Variants in FHIT observed in about 807,000 individuals in gnomAD.
FHIT encodes fragile histidine triad diadenosine triphosphatase.
In FHIT, 19 loss-of-function variants were observed where a neutral mutation model predicts 17.9. That is an observed-to-expected ratio of 1.06 (90% CI 0.74 to 1.56). FHIT has a LOEUF of 1.56. Ranked by LOEUF, FHIT falls within the 40% of genes most tolerant of loss-of-function variation. The pLI is 0.00. For missense variants in FHIT, 248 were observed against 189.2 expected (o/e 1.31, Z -1.82); for synonymous variants, 81 against 69.7 (o/e 1.16, Z -0.81).
rs531999339 is a variant in FHIT at position 60,304,879 on chromosome 3, A to T, written c.103+231981T>A. 2.0e-5 allele frequency among the ~76,000 whole-genome samples: 3 copies of T among 152,156 alleles called. No homozygotes were observed. In the South Asian group the frequency reaches 6.2e-4, roughly 32 times the overall value. ...ACAAAGTTAAAGACAAGTTTTTATT[A>T]AAATCTCTGAATCTAATCTACTATA... On this transcript the variant is annotated intron_variant, in intron 5 of 9. Coordinates refer to ENST00000492590, the MANE Select transcript of FHIT (RefSeq NM_002012.4).
intron 2 of FHIT, among the ~76,000 whole-genome samples, chr3:61,093,595 C>T (rs1044719674): frequency 5.9e-5 from 9 of 152,050 alleles, no homozygotes; most frequent in African/African-American, 9.7e-5. Flanking sequence ...CATTCAAAGC[C>T]GGGATAGGAA....
intron 2 of FHIT, among the ~76,000 whole-genome samples, chr3:61,073,075 A>C (rs1454588728): frequency 1.3e-5 from 2 of 152,196 alleles, no homozygotes; most frequent in African/African-American, 4.8e-5. Flanking sequence ...CTTGCTAAAA[A>C]TTCGAGGCCT....
intron 5 of FHIT, among the ~76,000 whole-genome samples, chr3:60,459,680 C>T (rs1023166304): frequency 1.3e-5 from 2 of 152,200 alleles, no homozygotes; most frequent in East Asian, 3.8e-4. Flanking sequence ...TCCTTCAATG[C>T]TTTTCACTTA....
intron 2 of FHIT, among the ~76,000 whole-genome samples, chr3:61,142,130 T>A (rs2037102518): frequency 6.6e-6 from 1 of 151,358 alleles, no homozygotes; most frequent in Non-Finnish European, 1.5e-5. Flanking sequence ...AAATTTTTTT[T>A]TTATCTGAGA....
At chr3:60,859,389 G>C (rs1175006400) in intron 3 of FHIT, among the ~76,000 whole-genome samples, 1 of 152,140 alleles carries the variant, frequency 6.6e-6, no homozygotes, top group Non-Finnish European at 1.5e-5. Flanking sequence ...TTTTCTAGCA[G>C]AGATTATTAG....
chr3:60,659,225 G>T (rs1399318202), intron 4 of FHIT, among the ~76,000 whole-genome samples: 7 of 151,940 alleles, frequency 4.6e-5, no homozygotes, highest in Non-Finnish European at 1.0e-4. Context: ...TCAACAGTTT[G>T]AGTATACTGT....
chr3:60,080,297 G>C (rs925282731), intron 5 of FHIT, among the ~76,000 whole-genome samples: 1 of 152,068 alleles, frequency 6.6e-6, no homozygotes, highest in Non-Finnish European at 1.5e-5. Context: ...TTGTGTATGG[G>C]GGTGGGAGAA....
intron 3 of FHIT, among the ~76,000 whole-genome samples, chr3:60,852,671 T>A (rs1321806997): frequency 1.3e-5 from 2 of 151,934 alleles, no homozygotes; most frequent in African/African-American, 2.4e-5. Flanking sequence ...AGAAAGGATA[T>A]AGTGAGAATA....
At chr3:60,398,324 A>T (rs1396720260) in intron 5 of FHIT, among the ~76,000 whole-genome samples, 1 of 152,194 alleles carries the variant, frequency 6.6e-6, no homozygotes, top group Non-Finnish European at 1.5e-5. Flanking sequence ...TCTTTGAGGT[A>T]TAATGCTAGA....
chr3:61,141,858 C>T (rs1279295384), intron 2 of FHIT, among the ~76,000 whole-genome samples: 5 of 151,592 alleles, frequency 3.3e-5, no homozygotes, highest in African/African-American at 1.2e-4. Context: ...TACTTGGTTA[C>T]TCAGGGCTTC....
At chr3:59,998,296 G>A (rs768897953) in intron 7 of FHIT, among the ~76,000 whole-genome samples, 3 of 152,036 alleles carry the variant, frequency 2.0e-5, no homozygotes, top group Non-Finnish European at 4.4e-5. Flanking sequence ...AGCCTGCTGC[G>A]GGTTAGAAAT....
intron 5 of FHIT, among the ~76,000 whole-genome samples, chr3:60,177,527 A>C (rs976218748): frequency 2.0e-5 from 3 of 152,216 alleles, no homozygotes; most frequent in African/African-American, 7.2e-5. Context: ...AGTAGGTCAA[A>C]ACAGAAGAGG....
intron 5 of FHIT, among the ~76,000 whole-genome samples, chr3:60,124,296 C>A (rs1455346488): frequency 6.6e-6 from 1 of 151,820 alleles, no homozygotes; most frequent in Admixed American, 6.6e-5. Context: ...CTTCAACAGT[C>A]CCTGTAGCAA....
chr3:61,179,072 G>A (rs548341517), intron 2 of FHIT, among the ~76,000 whole-genome samples: 34 of 141,478 alleles, frequency 2.4e-4, no homozygotes, highest in Admixed American at 5.2e-4. Context: ...ATGCAGCAGT[G>A]CGATCTTGGC....
At chr3:60,917,914 T>C (rs1174606094) in intron 3 of FHIT, among the ~76,000 whole-genome samples, 1 of 152,120 alleles carries the variant, frequency 6.6e-6, no homozygotes, top group African/African-American at 2.4e-5. Context: ...CAGAAAAACA[T>C]ACTATGACTG....
At chr3:60,261,375 C>G (rs755852314) in intron 5 of FHIT, among the ~76,000 whole-genome samples, 2 of 151,886 alleles carry the variant, frequency 1.3e-5, no homozygotes, top group African/African-American at 4.8e-5. Flanking sequence ...TCGCAAGGAA[C>G]GTATTAATTT....
chr3:61,060,480 T>C (rs947896183), intron 2 of FHIT, among the ~76,000 whole-genome samples: 1 of 152,226 alleles, frequency 6.6e-6, no homozygotes, highest in African/African-American at 2.4e-5. Context: ...AGCAGCTTTC[T>C]GGGAAAAAGC....
intron 5 of FHIT, among the ~76,000 whole-genome samples, chr3:60,175,256 T>G (rs1342378002): frequency 7.2e-5 from 11 of 152,174 alleles, no homozygotes; most frequent in Admixed American, 7.2e-4. Context: ...CCTAATATGT[T>G]TGCACAAAGC....
At chr3:60,075,320 T>C (rs1702956715) in intron 5 of FHIT, among the ~76,000 whole-genome samples, 1 of 151,972 alleles carries the variant, frequency 6.6e-6, no homozygotes, top group Non-Finnish European at 1.5e-5. Flanking sequence ...ACAGTACAGT[T>C]CCTCAGCCAA....
Sources: gnomAD v4.1 joint callset for allele counts (sites outside exome capture counted in the v4.1 genomes callset) on GRCh38, gnomAD v4.1.1 for gene constraint, MANE v1.5 for transcripts, NCBI Gene and HGNC (gene_info 2026-07-23, HGNC 2026-07-21) for gene names.